Variants in KCTD15 observed in about 807,000 individuals in gnomAD.
KCTD15 encodes potassium channel tetramerization domain containing 15, also known as BTB/POZ domain-containing protein KCTD15.
A neutral mutation model predicts 27.2 loss-of-function variants in KCTD15; 11 were observed. That is an observed-to-expected ratio of 0.41 (90% confidence interval 0.25 to 0.67). The LOEUF is 0.67. KCTD15 is among the 30% of genes least tolerant of loss of function. The pLI is 0.35. For missense variants in KCTD15, 350 were observed against 409.3 expected (o/e 0.86, Z 1.25); for synonymous variants, 163 against 176.0 (o/e 0.93, Z 0.58).
Position 33,815,220 on chromosome 19 carries a change from A to T in KCTD15, c.*2272A>T, listed in dbSNP as rs2145510713. 6.6e-6 allele frequency: 1 copy of T among 152,348 alleles called. No homozygotes were observed. The highest frequency in any genetic ancestry group is 3.4e-3 in the Middle Eastern group (1 of 294). 9.4% of individuals were successfully genotyped at this position (152,348 alleles called of 1,614,324 possible). A position where few individuals can be genotyped will look rare whatever the true frequency, so the allele number is the denominator to read the frequency against. On this transcript the variant is annotated 3_prime_UTR_variant, in exon 7 of 7. Transcript: ENST00000683859. ...TTAATAAAGAAGGGGAAAAAGGAGT[A>T]ACTCTACCTGACTAAATGTTACTCT...
intron 5 of KCTD15, 30 bp downstream of exon 5, chr19:33,807,037 C>T: frequency 6.2e-7 from 1 of 1,609,310 alleles, no homozygotes; most frequent in Non-Finnish European, 8.5e-7. Context: ...CCCCCCTGCA[C>T]TGCCTGTGTG....
At position 33,813,084 on chromosome 19, in the gene KCTD15, A is replaced by C. The variant is rs1211684893; in HGVS notation, c.*136A>C. On this transcript the variant is annotated 3_prime_UTR_variant, in exon 7 of 7. Coordinates refer to ENST00000683859, the MANE Select transcript of KCTD15 (RefSeq NM_001129994.2). The stretch of plus-strand genomic sequence containing the variant: ...GTCCAAAGCTGGCCCAGCGAGCACC[A>C]GGGTCCCAGGTGTCATGGCAACAGA... 1.1e-6 allele frequency: 1 copy of C among 870,012 alleles called. No individual in the cohort carries two copies. The highest frequency in any genetic ancestry group is 2.3e-5 in the Admixed American group (1 of 43,104). The allele number at this position is 870,012 out of a possible 1,614,324, so 53.9% of individuals were successfully genotyped here.
Position 33,800,507 on chromosome 19 carries a change from G to GCACCGGCAC in KCTD15, c.55_63dup (p.Thr19_Thr21dup), listed in dbSNP as rs747991412. 69 of 1,599,100 alleles carry GCACCGGCAC rather than the reference G, an allele frequency of 4.3e-5. No homozygotes were observed. The highest frequency in any genetic ancestry group is 5.0e-5 in the Non-Finnish European group (59 of 1,174,250). ...GGGTCCTCGCTTCACACACACGGCA[G>GCACCGGCAC]CACCGGCACCGCGGTGAGCCTGCAG... is the stretch of plus-strand genomic sequence containing the variant. On this transcript the variant is annotated inframe_insertion, in exon 3 of 7. Coordinates refer to ENST00000683859, the MANE Select transcript of KCTD15 (RefSeq NM_001129994.2).
At chr19:33,797,513 T>A (rs1025652459) in intron 1 of KCTD15, 2 of 387,436 alleles carry the variant, frequency 5.2e-6, no homozygotes, top group Non-Finnish European at 1.1e-5. Flanking sequence ...CAGGAGGGGC[T>A]GTCGCGCTGG....
chr19:33,811,996 G>A (rs1373451685), intron 6 of KCTD15: 15 of 1,467,434 alleles, frequency 1.0e-5, no homozygotes, highest in Admixed American at 2.8e-5. Flanking sequence ...TCCCTGGACC[G>A]GCTCTTCCTG....
rs543271615 is a variant in KCTD15, at chr19:33,804,566, G to A, written c.243-2297G>A. On this transcript the variant is annotated intron_variant, in intron 4 of 6. Coordinates refer to ENST00000683859, the MANE Select transcript of KCTD15 (RefSeq NM_001129994.2). ...TTGGATGTAGCTCTTACTTCCCACC[G>A]GTGCCACACATGGACCTCAGCCACC... Among the ~76,000 whole-genome samples, 6 of 152,234 alleles carry A rather than the reference G, an allele frequency of 3.9e-5. No homozygotes were observed. The East Asian group carries it at 5.8e-4, about 15-fold the overall frequency.
chr19:33,806,626 C>G (rs927372138), intron 4 of KCTD15, among the ~76,000 whole-genome samples: 3 of 152,042 alleles, frequency 2.0e-5, no homozygotes, highest in Non-Finnish European at 4.4e-5. Context: ...TGGGTGTGTC[C>G]CTCTCTGGCT....
At chr19:33,797,551 G>A (rs964635337) in intron 1 of KCTD15, 1 of 343,750 alleles carries the variant, frequency 2.9e-6, no homozygotes, top group Non-Finnish European at 5.9e-6. Flanking sequence ...CAGGGTTTGG[G>A]GCTGGGAGAG....
chr19:33,804,969 G>T (rs2145460548), intron 4 of KCTD15, among the ~76,000 whole-genome samples: 1 of 152,242 alleles, frequency 6.6e-6, no homozygotes, highest in South Asian at 2.1e-4. Context: ...GTCTTTCTTG[G>T]CCAGGCTGGA....
At chr19:33,799,510 T>C (rs1975458758) in intron 2 of KCTD15, 1 of 152,280 alleles carries the variant, frequency 6.6e-6, no homozygotes. Flanking sequence ...TGAACGGGGC[T>C]GCAGAATTCT....
In KCTD15 at chr19:33,796,964, C is replaced by T. The variant is rs1032338298; in HGVS notation, c.-150C>T. ...AGCTGCGTGGGGCGGGGGCTGCGCC[C>T]GAGCCCGATCTGCCGGCTCCGAGGT... On this transcript the variant is annotated 5_prime_UTR_variant, in exon 1 of 7. Coordinates refer to ENST00000683859, the MANE Select transcript of KCTD15 (RefSeq NM_001129994.2). 8.4e-6 allele frequency: 1 copy of T among 119,474 alleles called. No individual in the cohort carries two copies. The highest frequency in any genetic ancestry group is 8.3e-5 in the Admixed American group (1 of 12,098). The allele number at this position is 119,474 out of a possible 1,614,324, so 7.4% of individuals were successfully genotyped here.
At position 33,813,509 on chromosome 19, in the gene KCTD15, C is replaced by A; in HGVS notation, c.*561C>A. ...CTGCCTGGCATTCAGGCCCAGATGC[C>A]TGCAGGGCTGGGGCTCTCGGGACAG... On this transcript the variant is annotated 3_prime_UTR_variant, in exon 7 of 7. Coordinates refer to ENST00000683859, the MANE Select transcript of KCTD15 (RefSeq NM_001129994.2). The A allele has an allele frequency of 2.4e-6, 1 of 420,038 alleles. No individual in the cohort carries two copies. The highest frequency in any genetic ancestry group is 1.7e-5 in the South Asian group (1 of 57,308). 26.0% of individuals were successfully genotyped at this position (420,038 alleles called of 1,614,324 possible).
At chr19:33,807,903 G>A (rs911559081) in intron 5 of KCTD15, among the ~76,000 whole-genome samples, 5 of 151,530 alleles carry the variant, frequency 3.3e-5, no homozygotes, top group Non-Finnish European at 5.9e-5. Flanking sequence ...CCGAGATCAC[G>A]TCACTGCACT....
At chr19:33,810,510 T>C (rs1182008799) in intron 5 of KCTD15, among the ~76,000 whole-genome samples, 1 of 151,856 alleles carries the variant, frequency 6.6e-6, no homozygotes, top group Non-Finnish European at 1.5e-5. Context: ...GAAAACCCCA[T>C]CTCTACTAAA....
At chr19:33,811,182 T>TCCCCCC in intron 5 of KCTD15, 65 bp from the exon 6 acceptor site, 7 of 234,452 alleles carry the variant, frequency 3.0e-5, no homozygotes, top group South Asian at 8.4e-5. Flanking sequence ...CCGCCTCCCC[T>TCCCCCC]CTCCCCCTTC....
Position 33,800,537 on chromosome 19 carries a change from G to A in KCTD15, c.66+17G>A, listed in dbSNP as rs904841679. 1 of 1,577,350 alleles carries A rather than the reference G, an allele frequency of 6.3e-7. No individual in the cohort carries two copies. The highest frequency in any genetic ancestry group is 8.6e-7 in the Non-Finnish European group (1 of 1,161,232). ...GGCACCGCGGTGAGCCTGCAGGGTGGGCTGGGTCCCTGCCGGGAGTTCCCT... is the reference window on the plus strand; with the variant it reads ...GGCACCGCGGTGAGCCTGCAGGGTGAGCTGGGTCCCTGCCGGGAGTTCCCT... On this transcript the variant is annotated intron_variant, in intron 3 of 6. Coordinates refer to ENST00000683859, the MANE Select transcript of KCTD15 (RefSeq NM_001129994.2).
rs1975970493 is a variant in KCTD15, at chr19:33,812,837, T to G, written c.741T>G (p.Cys247Trp). The change falls in exon 7 of 7, where the codon TGT becomes TGG. Residue 247 changes from cysteine (C) to tryptophan (W), a missense_variant. Physicochemically the swap from Cys to Trp is radical, Grantham distance 215. This residue lies in a region of KCTD15 where 219 missense variants were observed against 234.9 expected (regional missense o/e 0.93). Transcript: ENST00000683859. ...FQRGFSVAAS[C>W]GGGVDSSQFS... Reference sequence around the variant, plus strand: ...GGGGTTTCAGCGTGGCTGCGTCCTGTGGGGGCGGTGTGGACTCCTCCCAGT... The same window carrying G: ...GGGGTTTCAGCGTGGCTGCGTCCTGGGGGGGCGGTGTGGACTCCTCCCAGT... 6.5e-7 allele frequency: 1 copy of G among 1,528,254 alleles called. No homozygotes were observed. Among genetic ancestry groups the G allele is most frequent in the Non-Finnish European group, 8.8e-7 (1 of 1,135,408 alleles). The allele number at this position is 1,528,254 out of a possible 1,614,324, so 94.7% of individuals were successfully genotyped here. A position where few individuals can be genotyped will look rare whatever the true frequency, so the allele number is the denominator to read the frequency against.
chr19:33,813,079 G>A lies in KCTD15; in HGVS notation c.*131G>A. On this transcript the variant is annotated 3_prime_UTR_variant, in exon 7 of 7. Coordinates refer to ENST00000683859, the MANE Select transcript of KCTD15 (RefSeq NM_001129994.2). ...GGAGGGTCCAAAGCTGGCCCAGCGA[G>A]CACCAGGGTCCCAGGTGTCATGGCA... 1.1e-6 allele frequency: 1 copy of A among 925,898 alleles called. No individual in the cohort carries two copies. Among genetic ancestry groups the A allele is most frequent in the Non-Finnish European group, 1.6e-6 (1 of 607,684 alleles). 57.4% of individuals were successfully genotyped at this position (925,898 alleles called of 1,614,324 possible). A position where few individuals can be genotyped will look rare whatever the true frequency, so the allele number is the denominator to read the frequency against.
At position 33,813,342 on chromosome 19, in the gene KCTD15, C is replaced by T. The variant is rs746060175; in HGVS notation, c.*394C>T. On this transcript the variant is annotated 3_prime_UTR_variant, in exon 7 of 7. Coordinates refer to ENST00000683859, the MANE Select transcript of KCTD15 (RefSeq NM_001129994.2). ...AGACTCTGGCGGGTCTCCTAGCGTC[C>T]GAGAGATGGCTTATTTTCTACAGTA... 11 of 451,410 alleles carry T rather than the reference C, an allele frequency of 2.4e-5. No homozygotes were observed. Among genetic ancestry groups the T allele is most frequent in the South Asian group, 7.9e-5 (5 of 63,564 alleles). 28.0% of individuals were successfully genotyped at this position (451,410 alleles called of 1,614,324 possible).
Sources: allele counts gnomAD v4.1 joint callset (sites outside exome capture counted in the v4.1 genomes callset), GRCh38; gene constraint gnomAD v4.1.1; regional missense constraint gnomAD v4.1.1; transcripts MANE v1.5; gene names NCBI Gene and HGNC (gene_info 2026-07-23, HGNC 2026-07-21).